KAT6A: variants seen among roughly 807,000 people sequenced by gnomAD.
KAT6A encodes histone acetyltransferase KAT6A.
KAT6A carries 9 observed loss-of-function variants against 198.4 expected under a neutral mutation model. The observed-to-expected ratio is 0.05, with a 90% CI of 0.03 to 0.08. The LOEUF is 0.08. Among genes scored for constraint, KAT6A ranks in the 10% least tolerant of loss-of-function variants. The pLI, the probability that KAT6A is intolerant of heterozygous loss-of-function variation, is 1.00. For missense variants in KAT6A, 2,077 were observed against 2,509.9 expected, an observed-to-expected ratio of 0.83 and a Z score of 3.69; for synonymous variants, 890 against 883.0, an observed-to-expected ratio of 1.01 and a Z score of -0.14.
chr8:41,960,405 T>C (rs1288393924), intron 8 of KAT6A, among the ~76,000 whole-genome samples: 1 of 139,568 alleles, frequency 7.2e-6, no homozygotes, highest in Non-Finnish European at 1.5e-5. Flanking sequence ...CCGTCTCTAC[T>C]AAAAATACAA....
At chr8:41,976,245 A>AG (rs924831455) in intron 7 of KAT6A, among the ~76,000 whole-genome samples, 4 of 152,202 alleles carry the variant, frequency 2.6e-5, no homozygotes, top group African/African-American at 9.7e-5. Context: ...TTGTGGTCCA[A>AG]AAGAGTTCAT....
chr8:41,955,071 G>A (rs937845306), intron 9 of KAT6A, among the ~76,000 whole-genome samples: 2 of 151,858 alleles, frequency 1.3e-5, no homozygotes, highest in Non-Finnish European at 2.9e-5. Context: ...CCATGCATTC[G>A]GGTTTCTCAT....
At chr8:41,942,389 T>C in intron 14 of KAT6A, 1 of 255,128 alleles carries the variant, frequency 3.9e-6, no homozygotes, top group South Asian at 1.1e-4. Flanking sequence ...CAAGCAATCC[T>C]CCCGCCTGGG....
chr8:42,032,360 T>C (rs1361401605), intron 2 of KAT6A, among the ~76,000 whole-genome samples: 3 of 152,202 alleles, frequency 2.0e-5, no homozygotes, highest in African/African-American at 7.2e-5. Flanking sequence ...TCAAAAAATA[T>C]ATGTATGTGA....
At chr8:42,051,591 G>A (rs1802655071) in intron 1 of KAT6A, among the ~76,000 whole-genome samples, 1 of 145,512 alleles carries the variant, frequency 6.9e-6, no homozygotes, top group African/African-American at 2.5e-5. Flanking sequence ...CTCCCCCAGG[G>A]CGGGCCCGGC....
Position 42,028,458 on chromosome 8 carries a change from G to A in KAT6A, c.600+19920C>T, listed in dbSNP as rs143250502. On this transcript the variant is annotated intron_variant, in intron 2 of 16. Transcript: ENST00000265713. The stretch of plus-strand genomic sequence containing the variant: ...TTTACCATTGTTATATCCTCTTGCT[G>A]TACTGATCCCTTTATCACTATGTAA... Among the ~76,000 whole-genome samples the A allele has an allele frequency of 6.5e-3, 982 of 152,214 alleles. 12 individuals are homozygous for A. Among genetic ancestry groups the A allele is most frequent in the African/African-American group, 0.022 (901 of 41,528 alleles).
At chr8:41,971,436 A>T (rs1166419044) in intron 8 of KAT6A, among the ~76,000 whole-genome samples, 1 of 152,054 alleles carries the variant, frequency 6.6e-6, no homozygotes, top group African/African-American at 2.4e-5. Flanking sequence ...TCGACTCTAG[A>T]GGAAGGGCCA....
intron 2 of KAT6A, among the ~76,000 whole-genome samples, chr8:42,005,075 G>T (rs749075896): frequency 1.3e-5 from 2 of 152,130 alleles, no homozygotes; most frequent in Non-Finnish European, 2.9e-5. Flanking sequence ...CTCATCGCCA[G>T]TAACAATCCA....
intron 1 of KAT6A, among the ~76,000 whole-genome samples, chr8:42,051,052 G>C (rs1301244074): frequency 6.6e-6 from 1 of 152,110 alleles, no homozygotes; most frequent in Non-Finnish European, 1.5e-5. Flanking sequence ...CCGACGGGGC[G>C]CTGCACCGTT....
At chr8:42,015,821 A>G (rs1826244633) in intron 2 of KAT6A, among the ~76,000 whole-genome samples, 1 of 152,240 alleles carries the variant, frequency 6.6e-6, no homozygotes, top group Non-Finnish European at 1.5e-5. Context: ...CAATAAGCCA[A>G]AACAGCCAAA....
At chr8:41,972,000 C>T (rs1438798995) in intron 8 of KAT6A, among the ~76,000 whole-genome samples, 1 of 152,060 alleles carries the variant, frequency 6.6e-6, no homozygotes, top group Non-Finnish European at 1.5e-5. Flanking sequence ...ATGGCTACAA[C>T]AGTAAGAGCC....
At position 41,932,156 on chromosome 8, in the gene KAT6A, G is replaced by C. The variant is rs749175939; in HGVS notation, c.*49C>G. The stretch of plus-strand genomic sequence containing the variant: ...TTTCTCTGGTTTGTCAGTATAAAAG[G>C]TTCCTTTATTTATATATATTTAAGT... On this transcript the variant is annotated 3_prime_UTR_variant, in exon 17 of 17. Transcript: ENST00000265713. 12 of 1,423,884 alleles carry C rather than the reference G, an allele frequency of 8.4e-6. No homozygotes were observed. Among genetic ancestry groups the C allele is most frequent in the Middle Eastern group, 2.6e-4 (1 of 3,840 alleles). The allele number at this position is 1,423,884 out of a possible 1,614,324, so 88.2% of individuals were successfully genotyped here. A position where few individuals can be genotyped will look rare whatever the true frequency, so the allele number is the denominator to read the frequency against.
chr8:41,981,977 T>A (rs765891970), intron 3 of KAT6A, 23 bp from the exon 4 acceptor site: 1 of 1,356,538 alleles, frequency 7.4e-7, no homozygotes, highest in Admixed American at 1.7e-5. Context: ...AGAACATTCA[T>A]GAATGAAACA....
At chr8:41,969,183 T>C (rs1325871971) in intron 8 of KAT6A, among the ~76,000 whole-genome samples, 4 of 152,208 alleles carry the variant, frequency 2.6e-5, no homozygotes, top group African/African-American at 9.6e-5. Flanking sequence ...CTTTTGCTGA[T>C]GCTGCTGTAA....
chr8:41,936,652 G>A (rs989215418), intron 16 of KAT6A, among the ~76,000 whole-genome samples: 5 of 152,184 alleles, frequency 3.3e-5, no homozygotes, highest in Non-Finnish European at 7.4e-5. Context: ...AGTTGGATTT[G>A]TATCTATACT....
At chr8:42,021,883 G>A (rs909487809) in intron 2 of KAT6A, among the ~76,000 whole-genome samples, 18 of 152,194 alleles carry the variant, frequency 1.2e-4, no homozygotes, top group Non-Finnish European at 4.4e-5. Flanking sequence ...AGCAGAGATC[G>A]TGCCACTGCA....
intron 2 of KAT6A, among the ~76,000 whole-genome samples, chr8:41,994,035 C>T (rs1564051288): frequency 6.6e-6 from 1 of 151,486 alleles, no homozygotes; most frequent in Non-Finnish European, 1.5e-5. Flanking sequence ...ATCACAAAGA[C>T]AAAAACTACT....
chr8:42,027,841 T>C (rs1826908597), intron 2 of KAT6A, among the ~76,000 whole-genome samples: 1 of 152,220 alleles, frequency 6.6e-6, no homozygotes, highest in Non-Finnish European at 1.5e-5. Flanking sequence ...GTTCTTAACT[T>C]TTCTAGTTCC....
chr8:41,947,245 T>C (rs1822444571), intron 11 of KAT6A, among the ~76,000 whole-genome samples: 2 of 152,244 alleles, frequency 1.3e-5, no homozygotes, highest in Non-Finnish European at 2.9e-5. Context: ...TTCCCCTAAC[T>C]GTTTTATACA....
Sources: gnomAD v4.1 joint callset for allele counts (sites outside exome capture counted in the v4.1 genomes callset) on GRCh38, gnomAD v4.1.1 for gene constraint, MANE v1.5 for transcripts, NCBI Gene and HGNC (gene_info 2026-07-23, HGNC 2026-07-21) for gene names.